PTPRT: variants seen among roughly 807,000 people sequenced by gnomAD.
PTPRT encodes protein tyrosine phosphatase receptor type T, also known as receptor-type tyrosine-protein phosphatase T.
PTPRT carries 56 observed loss-of-function variants against 176.8 expected under a neutral mutation model. The observed-to-expected ratio is 0.32, with a 90% CI of 0.26 to 0.40. The LOEUF (loss-of-function observed/expected upper bound fraction) is 0.40. Among genes scored for constraint, PTPRT ranks in the 10% least tolerant of loss-of-function variants. PTPRT has a pLI of 1.00. For missense variants in PTPRT, 1,540 were observed against 1,908.2 expected, an observed-to-expected ratio of 0.81 and a Z score of 3.60; for synonymous variants, 783 against 739.0, an observed-to-expected ratio of 1.06 and a Z score of -0.96.
intron 2 of PTPRT, among the ~76,000 whole-genome samples, chr20:42,810,513 C>T (rs1266902826): frequency 6.6e-6 from 1 of 152,146 alleles, no homozygotes; most frequent in African/African-American, 2.4e-5. Context: ...CTAGTTCATG[C>T]AGCGTAACAC....
At chr20:42,540,300 G>A (rs1321302785) in intron 7 of PTPRT, among the ~76,000 whole-genome samples, 2 of 152,256 alleles carry the variant, frequency 1.3e-5, no homozygotes, top group South Asian at 2.1e-4. Context: ...CTGAGTGTGA[G>A]AGTCAATGAC....
intron 7 of PTPRT, among the ~76,000 whole-genome samples, chr20:42,675,011 C>T (rs1043020775): frequency 2.0e-5 from 3 of 152,226 alleles, no homozygotes; most frequent in Non-Finnish European, 2.9e-5. Context: ...GAGAAACCTG[C>T]ACCCAGCAGA....
At chr20:42,680,247 GA>G (rs1600597117) in intron 6 of PTPRT, among the ~76,000 whole-genome samples, 1 of 152,098 alleles carries the variant, frequency 6.6e-6, no homozygotes, top group African/African-American at 2.4e-5. Context: ...AGTGTGACTC[GA>G]AGCAAATCTT....
At chr20:42,742,372 C>G (rs557761728) in intron 6 of PTPRT, among the ~76,000 whole-genome samples, 1 of 152,202 alleles carries the variant, frequency 6.6e-6, no homozygotes, top group African/African-American at 2.4e-5. Flanking sequence ...CCCGCCCTCA[C>G]GGGTTGGACA....
intron 7 of PTPRT, among the ~76,000 whole-genome samples, chr20:42,659,820 TAATC>T (rs1452475142): frequency 1.3e-5 from 2 of 152,124 alleles, no homozygotes; most frequent in Non-Finnish European, 2.9e-5. Flanking sequence ...AAAATTCAAT[TAATC>T]AGAGCTCTTG....
intron 7 of PTPRT, among the ~76,000 whole-genome samples, chr20:42,543,670 G>C (rs1568964834): frequency 2.0e-5 from 3 of 151,436 alleles, no homozygotes; most frequent in Admixed American, 1.3e-4. Flanking sequence ...CATTTATTTT[G>C]CCCATATCCA....
chr20:42,407,803 G>C (rs966032177), intron 9 of PTPRT, among the ~76,000 whole-genome samples: 2 of 151,970 alleles, frequency 1.3e-5, no homozygotes, highest in Admixed American at 6.6e-5. Context: ...ATTTATCCAG[G>C]AGCTGATAAT....
intron 8 of PTPRT, among the ~76,000 whole-genome samples, chr20:42,452,147 T>C (rs1478602312): frequency 6.6e-6 from 1 of 151,862 alleles, no homozygotes; most frequent in South Asian, 2.1e-4. Context: ...CGCGCACCTG[T>C]AGTTCCAGCT....
In PTPRT at chr20:42,079,866, C is replaced by T. The variant is rs1983142313; in HGVS notation, c.*1013G>A. 4.3e-6 allele frequency: 1 copy of T among 231,692 alleles called. No individual in the cohort carries two copies. Among genetic ancestry groups the T allele is most frequent in the African/African-American group, 2.2e-5 (1 of 45,216 alleles). The allele number at this position is 231,692 out of a possible 1,614,324, so 14.4% of individuals were successfully genotyped here. A position where few individuals can be genotyped will look rare whatever the true frequency, so the allele number is the denominator to read the frequency against. On this transcript the variant is annotated 3_prime_UTR_variant, in exon 31 of 31. Transcript: ENST00000373187. ...GGGTGGGAGCTTTTAAGGACATTGC[C>T]AGGAAAAAATAAAAGGCCCGAGAGA... is the stretch of plus-strand genomic sequence containing the variant.
chr20:42,705,129 C>T (rs764337124), intron 6 of PTPRT, among the ~76,000 whole-genome samples: 3 of 152,028 alleles, frequency 2.0e-5, no homozygotes, highest in South Asian at 2.1e-4. Flanking sequence ...CACTTTAACC[C>T]GGGAGGCAGA....
At chr20:42,358,216 C>CT (rs796348212) in intron 9 of PTPRT, among the ~76,000 whole-genome samples, 4,382 of 143,754 alleles carry the variant, frequency 0.03, 151 homozygotes, top group African/African-American at 0.086. Flanking sequence ...AAAACTCTCT[C>CT]TTTTTTTTTT....
intron 8 of PTPRT, among the ~76,000 whole-genome samples, chr20:42,459,390 GAT>G (rs2070979136): frequency 6.6e-6 from 1 of 152,208 alleles, no homozygotes; most frequent in Non-Finnish European, 1.5e-5. Context: ...CAGAGGGAGT[GAT>G]ATGATTTGCT....
chr20:42,351,930 A>G (rs1434200851), intron 10 of PTPRT, among the ~76,000 whole-genome samples, 154 bp downstream of exon 10: 1 of 152,246 alleles, frequency 6.6e-6, no homozygotes, highest in Non-Finnish European at 1.5e-5. Context: ...GATTTTCTTC[A>G]TAGGAGACAA....
chr20:42,141,851 A>T, intron 18 of PTPRT, 64 bp downstream of exon 18: 1 of 1,384,964 alleles, frequency 7.2e-7, no homozygotes, highest in Non-Finnish European at 1.0e-6. Flanking sequence ...AAATAATAGT[A>T]ATAGCCTCTT....
chr20:42,318,503 A>G (rs2057752900), intron 11 of PTPRT, among the ~76,000 whole-genome samples: 2 of 152,188 alleles, frequency 1.3e-5, no homozygotes, highest in Admixed American at 1.3e-4. Flanking sequence ...GGGCAAACAC[A>G]AAAGAGCTTC....
Position 42,379,539 on chromosome 20 carries a change from C to A in PTPRT, c.1561-27254G>T, listed in dbSNP as rs1198776381. The stretch of plus-strand genomic sequence containing the variant: ...CTCTCACTCTTACTTTTCCTAGAGG[C>A]ACCTGAGCCTGTGGAGGGCAGCAGG... On this transcript the variant is annotated intron_variant, in intron 9 of 30. Transcript: ENST00000373187. 2.0e-5 allele frequency among the ~76,000 whole-genome samples: 3 copies of A among 152,232 alleles called. No individual in the cohort carries two copies. The East Asian group carries it at 5.8e-4, about 29-fold the overall frequency.
At chr20:42,439,394 C>T (rs2059292077) in intron 9 of PTPRT, among the ~76,000 whole-genome samples, 1 of 152,206 alleles carries the variant, frequency 6.6e-6, no homozygotes, top group South Asian at 2.1e-4. Flanking sequence ...CCATTAGTAA[C>T]ATGCAAAGGG....
At chr20:42,893,485 A>G (rs1170415965) in intron 1 of PTPRT, among the ~76,000 whole-genome samples, 13 of 151,280 alleles carry the variant, frequency 8.6e-5, no homozygotes, top group African/African-American at 2.9e-4. Context: ...TAGAAATACC[A>G]TTTGACCCAG....
chr20:42,774,310 G>T (rs925631083), intron 4 of PTPRT, among the ~76,000 whole-genome samples: 8 of 152,104 alleles, frequency 5.3e-5, no homozygotes, highest in Non-Finnish European at 5.9e-5. Flanking sequence ...ACAATAACTG[G>T]TATCCACCAG....
Sources: allele counts gnomAD v4.1 joint callset (sites outside exome capture counted in the v4.1 genomes callset), GRCh38; gene constraint gnomAD v4.1.1; transcripts MANE v1.5; gene names NCBI Gene and HGNC (gene_info 2026-07-23, HGNC 2026-07-21).